The following RNF128 variants were observed in gnomAD, a reference collection of about 807,000 sequenced individuals.
RNF128 encodes the protein E3 ubiquitin-protein ligase RNF128.
In RNF128, 13 loss-of-function variants were observed where a neutral mutation model predicts 26.2. The observed-to-expected ratio is 0.50, with a 90% CI of 0.32 to 0.79. The LOEUF (loss-of-function observed/expected upper bound fraction) is 0.79. Among genes scored for constraint, RNF128 ranks in the 30% least tolerant of loss-of-function variants. The probability of loss-of-function intolerance (pLI) is 0.03; values close to 1 mark genes in which losing one functional copy is unlikely to be tolerated. For missense variants in RNF128, 315 were observed against 349.7 expected, an observed-to-expected ratio of 0.90 and a Z score of 0.79; for synonymous variants, 149 against 142.5, an observed-to-expected ratio of 1.05 and a Z score of -0.32.
intron 1 of RNF128, among the ~76,000 whole-genome samples, chrX:106,704,232 A>C (rs746536535): frequency 5.5e-5 from 6 of 109,778 alleles, no homozygotes; most frequent in Non-Finnish European, 7.6e-5. Flanking sequence ...TCAGGAGATC[A>C]AAACCATCCT....
intron 4 of RNF128, among the ~76,000 whole-genome samples, chrX:106,789,212 A>G (rs1291945017): frequency 1.1e-5 from 1 of 94,195 alleles, no homozygotes; most frequent in Non-Finnish European, 2.1e-5. Flanking sequence ...TATATAATAC[A>G]TATATATAAA....
chrX:106,738,711 T>C (rs1256053585), intron 1 of RNF128, among the ~76,000 whole-genome samples: 1 of 112,195 alleles, frequency 8.9e-6, no homozygotes, highest in African/African-American at 3.2e-5. Flanking sequence ...AACTCTATCA[T>C]GTAAAACTTT....
Position 106,694,389 on chromosome X carries a change from G to C in RNF128, c.387G>C (p.Thr129=), listed in dbSNP as rs142455205. ...ATGCTCCAGAGACTGGCAATCAGAC[G>C]ATACAGATGGCAAATTTTGGTAAGT... The change falls in exon 1 of 7, where the codon ACG becomes ACC. Residue 129 remains threonine (T), a synonymous_variant. Coordinates refer to the RNF128 transcript ENST00000324342. The C allele has an allele frequency of 4.8e-4, 564 of 1,181,949 alleles. 3 individuals are homozygous for C. The African/African-American group carries it at 9.1e-3, about 19-fold the overall frequency.
chrX:106,794,977 G>T (rs1185722949), intron 6 of RNF128, among the ~76,000 whole-genome samples: 2 of 111,982 alleles, frequency 1.8e-5, no homozygotes, highest in Admixed American at 1.9e-4. Context: ...AACAATGTCA[G>T]TAACTAGTGT....
chrX:106,790,733 A>G (rs1930807771), intron 5 of RNF128, among the ~76,000 whole-genome samples: 2 of 111,232 alleles, frequency 1.8e-5, no homozygotes, highest in Non-Finnish European at 3.8e-5. Context: ...TACATAGATG[A>G]CAATGATTCT....
intron 1 of RNF128, among the ~76,000 whole-genome samples, chrX:106,771,215 G>C (rs1930363725): frequency 8.9e-6 from 1 of 112,735 alleles, no homozygotes; most frequent in Non-Finnish European, 1.9e-5. Flanking sequence ...GGACCCACTT[G>C]AGGAGGCAGT....
chrX:106,728,146 T>C (rs944554027), intron 1 of RNF128, among the ~76,000 whole-genome samples: 4 of 111,967 alleles, frequency 3.6e-5, no homozygotes. Context: ...TTACTATTTT[T>C]CCCCGTCGGT....
Position 106,726,946 on chromosome X carries a change from C to T in RNF128, c.33C>T (p.Cys11=). The T allele has an allele frequency of 8.4e-7, 1 of 1,183,533 alleles. No homozygotes were observed. Among genetic ancestry groups the T allele is most frequent in the East Asian group, 3.1e-5 (1 of 32,513 alleles). The change falls in exon 1 of 7, where the codon TGC becomes TGT. Residue 11 remains cysteine (C), a synonymous_variant. Transcript: ENST00000255499. ...CGCCGCCTGGGGCCGGGGTCTCCTG[C>T]CGCGGTGGCTGCGGCTTTTCCAGAT... MGPPPGAGVS[C]RGGCGFSRLL... is the part of the protein sequence containing the mutation.
At chrX:106,722,706 C>T (rs1929333997), upstream of RNF128, among the ~76,000 whole-genome samples, 2 of 111,302 alleles carry the variant, frequency 1.8e-5, no homozygotes, top group South Asian at 7.7e-4. Context: ...TCACGAGAGA[C>T]CAATATATAA....
chrX:106,742,444 C>T (rs768924961), intron 1 of RNF128, among the ~76,000 whole-genome samples: 1 of 111,235 alleles, frequency 9.0e-6, no homozygotes, highest in Non-Finnish European at 1.9e-5. Context: ...TTCCCAAGCC[C>T]CACCCCAGAC....
At chrX:106,743,933 A>T (rs1489576423) in intron 1 of RNF128, among the ~76,000 whole-genome samples, 1 of 112,016 alleles carries the variant, frequency 8.9e-6, no homozygotes, top group Non-Finnish European at 1.9e-5. Context: ...ATAAAACATG[A>T]TGAGTTCATG....
At chrX:106,752,656 A>C (rs1929916699) in intron 1 of RNF128, among the ~76,000 whole-genome samples, 2 of 112,144 alleles carry the variant, frequency 1.8e-5, no homozygotes, top group Admixed American at 1.9e-4. Context: ...AGCACCAAGA[A>C]ATATCCACAA....
intron 1 of RNF128, among the ~76,000 whole-genome samples, chrX:106,745,870 G>C (rs192042765): frequency 3.2e-4 from 36 of 111,001 alleles, no homozygotes; most frequent in African/African-American, 1.1e-3. Context: ...CACTACTTAG[G>C]ATTCTTGGTC....
chrX:106,745,324 C>T (rs776006863), intron 1 of RNF128, among the ~76,000 whole-genome samples: 12 of 111,415 alleles, frequency 1.1e-4, no homozygotes, highest in African/African-American at 3.2e-4. Flanking sequence ...CTGCGATACA[C>T]CCTCCCTCCA....
At chrX:106,776,460 G>A (rs1353943031) in intron 2 of RNF128, among the ~76,000 whole-genome samples, 1 of 112,079 alleles carries the variant, frequency 8.9e-6, no homozygotes, top group African/African-American at 3.2e-5. Context: ...CTTCCAAGAG[G>A]AGGGAAAAGA....
In RNF128 at chrX:106,727,410, A is replaced by C. The variant is rs767045898; in HGVS notation, c.484+13A>C. 5 of 1,208,250 alleles carry C rather than the reference A, an allele frequency of 4.1e-6. No homozygotes were observed. In the South Asian group the frequency reaches 7.1e-5, roughly 17 times the overall value. On this transcript the variant is annotated intron_variant, in intron 1 of 6. Coordinates refer to ENST00000255499, the MANE Select transcript of RNF128 (RefSeq NM_194463.2). ...ATGTCTCACCCGGGTGAGTGCAGCT[A>C]CTAGATTGCACCCCTCCAGACCTCT...
At chrX:106,752,112 C>T (rs1162065534) in intron 1 of RNF128, among the ~76,000 whole-genome samples, 2 of 111,588 alleles carry the variant, frequency 1.8e-5, no homozygotes, top group African/African-American at 3.3e-5. Flanking sequence ...TCTAGACCCA[C>T]CCTGGGCCAG....
At chrX:106,763,663 C>T (rs917154134) in intron 1 of RNF128, among the ~76,000 whole-genome samples, 12 of 110,693 alleles carry the variant, frequency 1.1e-4, no homozygotes, top group African/African-American at 3.9e-4. Context: ...CCCGCCACCA[C>T]GCCCGGCTAA....
chrX:106,723,232 A>T (rs1929343275), upstream of RNF128, among the ~76,000 whole-genome samples: 1 of 111,933 alleles, frequency 8.9e-6, no homozygotes, highest in Non-Finnish European at 1.9e-5. Flanking sequence ...TGCTTTATGT[A>T]TGTGTATACA....
Sources: allele counts gnomAD v4.1 joint callset (sites outside exome capture counted in the v4.1 genomes callset), GRCh38; gene constraint gnomAD v4.1.1; transcripts MANE v1.5; gene names NCBI Gene and HGNC (gene_info 2026-07-23, HGNC 2026-07-21).